Variants in SLC44A5 observed in about 807,000 individuals in gnomAD.
The protein encoded by SLC44A5 is choline transporter-like protein 5.
A neutral mutation model predicts 101.8 loss-of-function variants in SLC44A5; 57 were observed. The ratio of observed to expected loss-of-function variants is 0.56; its 90% CI spans 0.45 to 0.70. The LOEUF is 0.70. Ranked by LOEUF, SLC44A5 falls within the 30% of genes least tolerant of loss-of-function variation. The pLI is 0.00. For missense variants in SLC44A5, 737 were observed against 853.1 expected, an observed-to-expected ratio of 0.86 and a Z score of 1.70; for synonymous variants, 281 against 290.9, an observed-to-expected ratio of 0.97 and a Z score of 0.35.
At chr1:75,687,393 T>C in the SLC44A5 span, among the ~76,000 whole-genome samples, 1 of 152,128 alleles carries the variant, frequency 6.6e-6, no homozygotes, top group African/African-American at 2.4e-5. Flanking sequence ...AACCTCCACC[T>C]CCTGGGTTCA....
chr1:75,479,061 A>G (rs1018198684), intron 2 of SLC44A5, among the ~76,000 whole-genome samples: 7 of 152,240 alleles, frequency 4.6e-5, no homozygotes, highest in African/African-American at 1.7e-4. Flanking sequence ...CTCTCAGACC[A>G]CAGTGCAATC....
intron 23 of SLC44A5, 126 bp from the exon 24 acceptor site, chr1:75,203,959 T>TG: frequency 1.7e-6 from 2 of 1,192,914 alleles, no homozygotes; most frequent in African/African-American, 1.6e-5. Context: ...TTGTTGTTGT[T>TG]TTTTAAACAG....
intron 2 of SLC44A5, among the ~76,000 whole-genome samples, chr1:75,467,960 A>T (rs1456290496): frequency 6.6e-6 from 1 of 152,140 alleles, no homozygotes; most frequent in African/African-American, 2.4e-5. Flanking sequence ...CAGAATACAT[A>T]AGGAACTCAA....
At chr1:75,479,661 T>C (rs1667696570) in intron 2 of SLC44A5, among the ~76,000 whole-genome samples, 1 of 152,192 alleles carries the variant, frequency 6.6e-6, no homozygotes, top group Admixed American at 6.5e-5. Flanking sequence ...AAGAAATGGA[T>C]AAATTCCTTG....
Position 75,520,803 on chromosome 1 carries a change from G to T in SLC44A5, c.13+20632C>A, listed in dbSNP as rs375863505. ...TTGTAAGAAAATAGAGTACAGTGGG[G>T]CAGTGGGCAGGGGGAGATTGTACTG... On this transcript the variant is annotated intron_variant, in intron 2 of 23. Transcript: ENST00000370859. Among the ~76,000 whole-genome samples, 7 of 152,266 alleles carry T rather than the reference G, an allele frequency of 4.6e-5. No homozygotes were observed. The South Asian group carries it at 1.0e-3, about 23-fold the overall frequency.
At chr1:75,259,299 T>G (rs914412294) in intron 6 of SLC44A5, among the ~76,000 whole-genome samples, 1 of 152,154 alleles carries the variant, frequency 6.6e-6, no homozygotes. Flanking sequence ...TTAGATGAAT[T>G]GCTAACTTTA....
At chr1:75,598,409 C>A (rs573872750) in intron 1 of SLC44A5, among the ~76,000 whole-genome samples, 1 of 152,290 alleles carries the variant, frequency 6.6e-6, no homozygotes, top group African/African-American at 2.4e-5. Flanking sequence ...TTTGACCCAG[C>A]AATCCCATTA....
At chr1:75,222,282 T>G in intron 14 of SLC44A5, 79 bp downstream of exon 14, 2,238 of 1,018,020 alleles carry the variant, frequency 2.2e-3, no homozygotes, top group Non-Finnish European at 3.2e-3. Context: ...GGAAAATAGG[T>G]GAGATATTTA....
At chr1:75,312,416 A>G (rs1655376177) in intron 4 of SLC44A5, among the ~76,000 whole-genome samples, 2 of 152,120 alleles carry the variant, frequency 1.3e-5, no homozygotes, top group South Asian at 2.1e-4. Flanking sequence ...TTAATCTCCA[A>G]TGCAACAGTT....
At chr1:75,678,562 G>C in the SLC44A5 span, among the ~76,000 whole-genome samples, 2 of 148,284 alleles carry the variant, frequency 1.3e-5, no homozygotes, top group African/African-American at 2.5e-5. Context: ...CTGTCTGTTA[G>C]AAGGAAAACT....
the SLC44A5 span, among the ~76,000 whole-genome samples, chr1:75,719,752 G>T: frequency 6.6e-6 from 1 of 151,952 alleles, no homozygotes; most frequent in South Asian, 2.1e-4. Flanking sequence ...TTTTACTTCC[G>T]AGAAAACTAA....
the SLC44A5 span, among the ~76,000 whole-genome samples, chr1:75,633,754 T>C: frequency 6.6e-6 from 1 of 151,950 alleles, no homozygotes; most frequent in Non-Finnish European, 1.5e-5. Context: ...CTTCCAACAC[T>C]ATGTTGAATA....
intron 1 of SLC44A5, among the ~76,000 whole-genome samples, chr1:75,552,725 G>A (rs1672008390): frequency 6.6e-6 from 1 of 150,700 alleles, no homozygotes; most frequent in East Asian, 2.0e-4. Flanking sequence ...CTTTTGGAGT[G>A]TCTGTTGCTT....
rs191627135 is a variant in SLC44A5 at position 75,329,262 on chromosome 1, C to A, written c.101+10320G>T. On this transcript the variant is annotated intron_variant, in intron 4 of 23. Coordinates refer to ENST00000370859, the MANE Select transcript of SLC44A5 (RefSeq NM_001130058.2). Reference sequence around the variant, plus strand: ...CCTCTTGCTTCCTTTCCCTTCTTTTCACAGACGCTGATCACTAGAAAAGAG... The same window carrying A: ...CCTCTTGCTTCCTTTCCCTTCTTTTAACAGACGCTGATCACTAGAAAAGAG... Among the ~76,000 whole-genome samples the A allele has an allele frequency of 6.8e-3, 1,028 of 152,276 alleles. 15 individuals carry two copies. The highest frequency in any genetic ancestry group is 0.023 in the African/African-American group (966 of 41,562).
At position 75,242,003 on chromosome 1, in the gene SLC44A5, G is replaced by C; in HGVS notation, c.530C>G (p.Pro177Arg). ...AAGGTAAAATAGTTGCCACTTACAA[G>C]GTTTGCTGGGAAAAATCGCTGTTGG... is the stretch of plus-strand genomic sequence containing the variant. ...DCPTAIFPSK[P>R]FLQRCFPDFS... The change falls in exon 9 of 24, where the codon CCT (proline) becomes CGT (arginine). Residue 177 changes from proline to arginine, a missense_variant and splice_region_variant. By Grantham distance (103) the Pro-to-Arg change is moderately radical. This residue lies in a region of SLC44A5 where 665 missense variants were observed against 764.4 expected (regional missense o/e 0.87). Coordinates refer to ENST00000370859, the MANE Select transcript of SLC44A5 (RefSeq NM_001130058.2). 7 of 1,611,446 alleles carry C rather than the reference G, an allele frequency of 4.3e-6. No individual in the cohort carries two copies. The highest frequency in any genetic ancestry group is 5.9e-6 in the Non-Finnish European group (7 of 1,178,190).
At chr1:75,527,647 C>G (rs895286158) in intron 2 of SLC44A5, among the ~76,000 whole-genome samples, 1 of 151,924 alleles carries the variant, frequency 6.6e-6, no homozygotes, top group Non-Finnish European at 1.5e-5. Flanking sequence ...TTCCAATGAA[C>G]AATTTTACTT....
intron 2 of SLC44A5, among the ~76,000 whole-genome samples, chr1:75,514,422 CAGAT>C (rs1669719819): frequency 6.6e-6 from 1 of 152,142 alleles, no homozygotes; most frequent in Admixed American, 6.5e-5. Context: ...GTGAAGTACT[CAGAT>C]ACTCTACAGG....
chr1:75,389,086 G>A (rs532181880), intron 3 of SLC44A5, among the ~76,000 whole-genome samples: 1 of 152,148 alleles, frequency 6.6e-6, no homozygotes, highest in South Asian at 2.1e-4. Context: ...GACAAAAAAA[G>A]GGTATTACAT....
At chr1:75,656,167 T>C in the SLC44A5 span, among the ~76,000 whole-genome samples, 10 of 152,208 alleles carry the variant, frequency 6.6e-5, no homozygotes, top group African/African-American at 2.2e-4. Context: ...AAAGTTATTC[T>C]TCAAACATGA....
Sources: gnomAD v4.1 joint callset for allele counts (sites outside exome capture counted in the v4.1 genomes callset) on GRCh38, gnomAD v4.1.1 for gene constraint, gnomAD v4.1.1 regional missense constraint, MANE v1.5 for transcripts, NCBI Gene and HGNC (gene_info 2026-07-23, HGNC 2026-07-21) for gene names.